Variants in CNTNAP2 observed in about 807,000 individuals in gnomAD.
CNTNAP2 encodes contactin-associated protein-like 2.
In CNTNAP2, 98 loss-of-function variants were observed where a neutral mutation model predicts 155.2. The observed-to-expected ratio is 0.63, with a 90% CI of 0.54 to 0.75. The LOEUF is 0.75. Among genes scored for constraint, CNTNAP2 ranks in the 30% least tolerant of loss-of-function variants. The pLI is 0.00. For synonymous variants in CNTNAP2, 651 were observed against 631.2 expected (o/e 1.03, Z -0.47); for missense variants, 1,727 against 1,688.1 (o/e 1.02, Z -0.40).
chr7:146,697,222 C>G (rs1800796329), intron 1 of CNTNAP2, among the ~76,000 whole-genome samples: 1 of 150,932 alleles, frequency 6.6e-6, no homozygotes, highest in Non-Finnish European at 1.5e-5. Flanking sequence ...AGAGTTAATA[C>G]CTTTTTAAAT....
chr7:147,802,422 G>A (rs1798015595), intron 13 of CNTNAP2, among the ~76,000 whole-genome samples: 1 of 152,236 alleles, frequency 6.6e-6, no homozygotes, highest in East Asian at 1.9e-4. Context: ...GGCCAAGGCA[G>A]GCGGCTGGGA....
At chr7:147,283,253 AT>A (rs1265298792) in intron 8 of CNTNAP2, among the ~76,000 whole-genome samples, 1 of 151,796 alleles carries the variant, frequency 6.6e-6, no homozygotes, top group Admixed American at 6.6e-5. Flanking sequence ...GCCCTGATTT[AT>A]TATTTTATTT....
chr7:146,248,702 G>A (rs1350986200), intron 1 of CNTNAP2, among the ~76,000 whole-genome samples: 2 of 152,158 alleles, frequency 1.3e-5, no homozygotes, highest in African/African-American at 4.8e-5. Context: ...TACTGGGCTG[G>A]TCGGTCTGAG....
chr7:147,536,303 T>C (rs966487939), intron 11 of CNTNAP2, among the ~76,000 whole-genome samples: 4 of 152,372 alleles, frequency 2.6e-5, no homozygotes, highest in Admixed American at 2.0e-4. Context: ...CACAGGGTGC[T>C]GCGAATGTGC....
At chr7:147,483,815 G>A (rs1241486524) in intron 10 of CNTNAP2, among the ~76,000 whole-genome samples, 1 of 152,134 alleles carries the variant, frequency 6.6e-6, no homozygotes, top group Non-Finnish European at 1.5e-5. Context: ...CTTCTGCTGT[G>A]TGTGTTCCCA....
intron 13 of CNTNAP2, among the ~76,000 whole-genome samples, chr7:147,842,711 T>A (rs1003555083): frequency 4.9e-5 from 5 of 102,632 alleles, no homozygotes; most frequent in African/African-American, 1.5e-4. Flanking sequence ...CATCTAGCAT[T>A]AGGTATATCT....
intron 1 of CNTNAP2, among the ~76,000 whole-genome samples, chr7:146,574,085 G>A (rs577579953): frequency 2.6e-5 from 4 of 152,244 alleles, no homozygotes; most frequent in South Asian, 2.1e-4. Context: ...CCTATGAGGC[G>A]TGCTTGACAG....
chr7:146,369,529 G>C (rs7782691), intron 1 of CNTNAP2, among the ~76,000 whole-genome samples: 7,774 of 152,196 alleles, frequency 0.051, 647 homozygotes, highest in African/African-American at 0.17. Flanking sequence ...TACGTTTTCA[G>C]TTAAAATGTA....
At chr7:146,969,274 A>G (rs1229530043) in intron 3 of CNTNAP2, among the ~76,000 whole-genome samples, 79 of 152,090 alleles carry the variant, frequency 5.2e-4, no homozygotes, top group South Asian at 2.5e-3. Context: ...GTGCTGAAAA[A>G]AATGTATATT....
At chr7:147,044,317 A>G (rs1369490535) in intron 4 of CNTNAP2, among the ~76,000 whole-genome samples, 1 of 152,076 alleles carries the variant, frequency 6.6e-6, no homozygotes, top group Non-Finnish European at 1.5e-5. Context: ...GAAGATTTGG[A>G]AAGGTTTTTT....
chr7:146,438,880 A>G (rs1796280247), intron 1 of CNTNAP2, among the ~76,000 whole-genome samples: 1 of 151,582 alleles, frequency 6.6e-6, no homozygotes, highest in Non-Finnish European at 1.5e-5. Context: ...TCTCGGGCAC[A>G]CACTTGTTGA....
intron 9 of CNTNAP2, among the ~76,000 whole-genome samples, chr7:147,375,880 C>G (rs906817281): frequency 6.6e-6 from 1 of 151,998 alleles, no homozygotes; most frequent in Non-Finnish European, 1.5e-5. Flanking sequence ...GAACTATAAT[C>G]AACTAATCAA....
chr7:148,086,092 G>A (rs1438639096), intron 15 of CNTNAP2, among the ~76,000 whole-genome samples: 5 of 152,140 alleles, frequency 3.3e-5, no homozygotes. Flanking sequence ...AGAAGAAAAA[G>A]GAGTCTCAGG....
At chr7:146,737,548 C>T (rs928246529) in intron 1 of CNTNAP2, among the ~76,000 whole-genome samples, 122 of 152,020 alleles carry the variant, frequency 8.0e-4, no homozygotes, top group African/African-American at 2.9e-3. Flanking sequence ...GCATAAAGTG[C>T]CTTATGTACA....
At chr7:146,652,799 A>C (rs530240018) in intron 1 of CNTNAP2, among the ~76,000 whole-genome samples, 1 of 152,288 alleles carries the variant, frequency 6.6e-6, no homozygotes, top group South Asian at 2.1e-4. Flanking sequence ...TTTTGATTTG[A>C]CATTATAATT....
chr7:147,235,804 TATA>T (rs1329621158), intron 8 of CNTNAP2, among the ~76,000 whole-genome samples: 1 of 152,310 alleles, frequency 6.6e-6, no homozygotes, highest in East Asian at 1.9e-4. Context: ...CAACTTGGAA[TATA>T]ATAAGCCCAT....
intron 8 of CNTNAP2, among the ~76,000 whole-genome samples, chr7:147,285,228 T>C (rs912308943): frequency 3.9e-5 from 6 of 151,924 alleles, no homozygotes; most frequent in Non-Finnish European, 7.4e-5. Context: ...AGGATTCTGA[T>C]CATGATGATT....
intron 21 of CNTNAP2, among the ~76,000 whole-genome samples, chr7:148,318,135 C>T (rs1797723427): frequency 6.6e-6 from 1 of 152,154 alleles, no homozygotes; most frequent in South Asian, 2.1e-4. Context: ...GCCTACTACT[C>T]TTGAGGATCT....
At chr7:146,250,672 A>G (rs528841652) in intron 1 of CNTNAP2, among the ~76,000 whole-genome samples, 47 of 152,292 alleles carry the variant, frequency 3.1e-4, no homozygotes, top group African/African-American at 1.1e-3. Flanking sequence ...TTTACTAGCC[A>G]GTATCCAGCA....
Sources: gnomAD v4.1 joint callset for allele counts (sites outside exome capture counted in the v4.1 genomes callset) on GRCh38, gnomAD v4.1.1 for gene constraint, MANE v1.5 for transcripts, NCBI Gene and HGNC (gene_info 2026-07-23, HGNC 2026-07-21) for gene names.